IL1RAPL2: variants seen among roughly 807,000 people sequenced by gnomAD.
The protein encoded by IL1RAPL2 is X-linked interleukin-1 receptor accessory protein-like 2.
In IL1RAPL2, 3 loss-of-function variants were observed where a neutral mutation model predicts 44.1. The observed-to-expected ratio is 0.07, with a 90% CI of 0.03 to 0.18. IL1RAPL2 has a LOEUF of 0.18. IL1RAPL2 is among the 10% of genes least tolerant of loss of function. The probability of loss-of-function intolerance (pLI) is 1.00; values close to 1 mark genes in which losing one functional copy is unlikely to be tolerated. For missense variants in IL1RAPL2, 391 were observed against 496.4 expected, an observed-to-expected ratio of 0.79 and a Z score of 2.02; for synonymous variants, 181 against 178.8, an observed-to-expected ratio of 1.01 and a Z score of -0.10.
chrX:105,241,387 G>A (rs2034169780), intron 4 of IL1RAPL2, among the ~76,000 whole-genome samples: 1 of 111,721 alleles, frequency 9.0e-6, no homozygotes, highest in South Asian at 3.8e-4. Context: ...CAAACAATCT[G>A]TCTCTTGTCT....
chrX:105,719,579 T>A (rs1009144691), intron 7 of IL1RAPL2, among the ~76,000 whole-genome samples: 2 of 111,499 alleles, frequency 1.8e-5, no homozygotes, highest in East Asian at 2.8e-4. Context: ...GGAAACGTTG[T>A]ACCCATCAAG....
chrX:105,740,112 G>T (rs4347108), intron 7 of IL1RAPL2, among the ~76,000 whole-genome samples: 27,011 of 109,215 alleles, frequency 0.25, 4,784 homozygotes, highest in African/African-American at 0.63. Context: ...ATGATGGGCA[G>T]TTTTTCATGT....
chrX:104,960,339 A>T (rs1175918382), intron 2 of IL1RAPL2, among the ~76,000 whole-genome samples: 1 of 112,180 alleles, frequency 8.9e-6, no homozygotes, highest in African/African-American at 3.2e-5. Context: ...GAGAAAACAG[A>T]CATAGAGAGG....
intron 2 of IL1RAPL2, among the ~76,000 whole-genome samples, chrX:105,142,597 A>T (rs769548118): frequency 5.3e-4 from 54 of 101,238 alleles, no homozygotes; most frequent in African/African-American, 1.8e-3. Context: ...AATCTGTGAC[A>T]TTTTTTTTTT....
intron 2 of IL1RAPL2, among the ~76,000 whole-genome samples, chrX:104,926,181 A>G (rs1358343170): frequency 8.9e-6 from 1 of 111,976 alleles, no homozygotes; most frequent in Admixed American, 9.5e-5. Flanking sequence ...CACTACCCTG[A>G]TAGAAATCTT....
At chrX:105,628,525 C>T (rs983942021) in intron 6 of IL1RAPL2, among the ~76,000 whole-genome samples, 2 of 111,878 alleles carry the variant, frequency 1.8e-5, no homozygotes, top group African/African-American at 3.2e-5. Context: ...AATGAGGAAA[C>T]GTGTGGGGTG....
chrX:104,676,363 T>C (rs1196288402), intron 2 of IL1RAPL2, among the ~76,000 whole-genome samples: 1 of 111,318 alleles, frequency 9.0e-6, no homozygotes, highest in East Asian at 2.8e-4. Flanking sequence ...TTATGAAGCT[T>C]AGTTTGGCTG....
intron 5 of IL1RAPL2, among the ~76,000 whole-genome samples, chrX:105,452,681 G>A (rs1310319932): frequency 9.0e-6 from 1 of 110,755 alleles, no homozygotes; most frequent in Non-Finnish European, 1.9e-5. Context: ...AAAGGGGGGG[G>A]ACATTGATTG....
rs766113085 is a variant in IL1RAPL2, at chrX:105,067,220, G to A, written c.83-128255G>A. ...AATACCTGCAGAGACACACACACGC[G>A]CACACACACATACACACGTGTGCGC... On this transcript the variant is annotated intron_variant, in intron 2 of 10. Coordinates refer to ENST00000372582, the MANE Select transcript of IL1RAPL2 (RefSeq NM_017416.2). Among the ~76,000 whole-genome samples the A allele has an allele frequency of 8.1e-5, 9 of 110,666 alleles. No individual in the cohort carries two copies. In the East Asian group the frequency reaches 2.3e-3, roughly 28 times the overall value.
chrX:105,754,850 C>T (rs753938382), intron 9 of IL1RAPL2, among the ~76,000 whole-genome samples: 7 of 112,451 alleles, frequency 6.2e-5, no homozygotes, highest in Non-Finnish European at 1.3e-4. Flanking sequence ...AAATCCATGA[C>T]TTTGGTCTAT....
intron 2 of IL1RAPL2, among the ~76,000 whole-genome samples, chrX:105,008,111 T>G (rs2030978269): frequency 9.0e-6 from 1 of 111,375 alleles, no homozygotes; most frequent in Admixed American, 9.6e-5. Context: ...TTATGGAGGC[T>G]GGGAAATCCA....
At chrX:105,013,545 A>G (rs1319242215) in intron 2 of IL1RAPL2, among the ~76,000 whole-genome samples, 3 of 110,434 alleles carry the variant, frequency 2.7e-5, no homozygotes, top group Non-Finnish European at 5.7e-5. Flanking sequence ...AACATCCTAG[A>G]TTGTAGAGGG....
At chrX:105,041,607 C>A (rs1349091972) in intron 2 of IL1RAPL2, among the ~76,000 whole-genome samples, 1 of 110,206 alleles carries the variant, frequency 9.1e-6, no homozygotes, top group Non-Finnish European at 1.9e-5. Context: ...ACATTCCATG[C>A]TCATGGCTAG....
intron 2 of IL1RAPL2, among the ~76,000 whole-genome samples, chrX:105,145,689 TG>T (rs960432185): frequency 1.8e-5 from 2 of 111,068 alleles, no homozygotes; most frequent in African/African-American, 3.3e-5. Flanking sequence ...ATCATTTATT[TG>T]GGGGGCCTAG....
In IL1RAPL2 at chrX:104,584,366, CCTT is replaced by C. The variant is rs200658696; in HGVS notation, c.-20+17319_-20+17321del. Among the ~76,000 whole-genome samples, 633 of 110,855 alleles carry C rather than the reference CCTT, an allele frequency of 5.7e-3. 2 individuals are homozygous for C. Among genetic ancestry groups the C allele is most frequent in the African/African-American group, 0.02 (595 of 30,461 alleles). ...TTGGGTACTCTTCTTTATCACATCT[CCTT>C]CTTTTCCTGGTGAATACATGCCTCC... On this transcript the variant is annotated intron_variant, in intron 1 of 10. Coordinates refer to ENST00000372582, the MANE Select transcript of IL1RAPL2 (RefSeq NM_017416.2).
At chrX:105,593,350 G>A (rs1014327815) in intron 6 of IL1RAPL2, among the ~76,000 whole-genome samples, 3 of 111,465 alleles carry the variant, frequency 2.7e-5, no homozygotes, top group African/African-American at 9.8e-5. Flanking sequence ...TCATTCCTTA[G>A]ATTGCTTGAA....
At chrX:105,419,114 C>T (rs186452686) in intron 5 of IL1RAPL2, among the ~76,000 whole-genome samples, 68 of 111,804 alleles carry the variant, frequency 6.1e-4, no homozygotes, top group African/African-American at 1.0e-3. Flanking sequence ...ACATCTATAA[C>T]GTGCAATTGC....
intron 2 of IL1RAPL2, among the ~76,000 whole-genome samples, chrX:104,717,940 A>C (rs1931606431): frequency 9.1e-6 from 1 of 110,216 alleles, no homozygotes; most frequent in African/African-American, 3.3e-5. Flanking sequence ...TGAACTCATC[A>C]TTGTTATGGC....
intron 2 of IL1RAPL2, among the ~76,000 whole-genome samples, chrX:104,743,571 G>A (rs1932128925): frequency 9.0e-6 from 1 of 110,877 alleles, no homozygotes; most frequent in Non-Finnish European, 1.9e-5. Flanking sequence ...AGGACTGCAG[G>A]AGAGTTCCTA....
Sources: allele counts gnomAD v4.1 joint callset (sites outside exome capture counted in the v4.1 genomes callset), GRCh38; gene constraint gnomAD v4.1.1; transcripts MANE v1.5; gene names NCBI Gene and HGNC (gene_info 2026-07-23, HGNC 2026-07-21).